Variants in NCOA2 observed in about 807,000 individuals in gnomAD.
The protein encoded by NCOA2 is class E basic helix-loop-helix protein 75.
Under a neutral mutation model 145.1 loss-of-function variants are expected in NCOA2, and 21 were observed. That is an observed-to-expected ratio of 0.14 (90% confidence interval 0.10 to 0.21). NCOA2 has a LOEUF of 0.21. NCOA2 is among the 10% of genes least tolerant of loss of function. The pLI is 1.00. For synonymous variants in NCOA2, 619 were observed against 637.5 expected, an observed-to-expected ratio of 0.97 and a Z score of 0.44; for missense variants, 1,472 against 1,837.6, an observed-to-expected ratio of 0.80 and a Z score of 3.64.
At chr8:70,201,049 C>CA (rs60951750) in intron 4 of NCOA2, among the ~76,000 whole-genome samples, 39,625 of 64,098 alleles carry the variant, frequency 0.62, 12,609 homozygotes, top group Non-Finnish European at 0.71. Flanking sequence ...GACTGTGTCT[C>CA]AAAAAAAAAA....
intron 2 of NCOA2, among the ~76,000 whole-genome samples, chr8:70,223,701 C>G (rs921367136): frequency 6.6e-6 from 1 of 152,218 alleles, no homozygotes; most frequent in African/African-American, 2.4e-5. Context: ...CTGTAACAGC[C>G]TGATTATCAC....
chr8:70,441,562 G>GAGAGAAAGAA, the NCOA2 span, among the ~76,000 whole-genome samples: 1 of 149,386 alleles, frequency 6.7e-6, no homozygotes, highest in Non-Finnish European at 1.5e-5. Context: ...AAAGAGGAAA[G>GAGAGAAAGAA]AGAGAAAGAA....
intron 1 of NCOA2, among the ~76,000 whole-genome samples, chr8:70,392,301 A>T (rs2131632818): frequency 6.6e-6 from 1 of 152,324 alleles, no homozygotes; most frequent in East Asian, 1.9e-4. Context: ...AGCGCCGCCC[A>T]CTTTTCCATC....
intron 1 of NCOA2, among the ~76,000 whole-genome samples, chr8:70,312,186 A>G (rs989344929): frequency 1.3e-5 from 2 of 152,166 alleles, no homozygotes; most frequent in Admixed American, 6.5e-5. Context: ...CAAGAACTAC[A>G]AGGAAGGGGA....
intron 4 of NCOA2, among the ~76,000 whole-genome samples, chr8:70,210,180 A>G (rs1160196487): frequency 6.6e-6 from 1 of 152,184 alleles, no homozygotes; most frequent in Non-Finnish European, 1.5e-5. Flanking sequence ...CCCTCCTGCC[A>G]AGGGGGAAAA....
intron 2 of NCOA2, among the ~76,000 whole-genome samples, chr8:70,252,693 G>T (rs1213305063): frequency 6.6e-6 from 1 of 152,100 alleles, no homozygotes; most frequent in Non-Finnish European, 1.5e-5. Context: ...TTGGTATTAA[G>T]GTTTTTATGT....
At chr8:70,140,143 A>G (rs1810223925) in intron 14 of NCOA2, among the ~76,000 whole-genome samples, 1 of 152,170 alleles carries the variant, frequency 6.6e-6, no homozygotes, top group African/African-American at 2.4e-5. Context: ...ACCTATTTAA[A>G]GTGTACAATG....
chr8:70,198,179 T>C (rs1015089771), intron 4 of NCOA2, among the ~76,000 whole-genome samples: 12 of 152,214 alleles, frequency 7.9e-5, no homozygotes, highest in African/African-American at 2.7e-4. Flanking sequence ...ATTATTAAGA[T>C]AAGGTTCCTC....
At chr8:70,312,139 G>GC (rs768188145) in intron 1 of NCOA2, among the ~76,000 whole-genome samples, 1 of 152,102 alleles carries the variant, frequency 6.6e-6, no homozygotes, top group Non-Finnish European at 1.5e-5. Flanking sequence ...CAGTGCTCAC[G>GC]CAAGAGATTT....
chr8:70,197,371 T>C (rs1319312073), intron 4 of NCOA2, among the ~76,000 whole-genome samples: 1 of 152,230 alleles, frequency 6.6e-6, no homozygotes, highest in Non-Finnish European at 1.5e-5. Context: ...ACCTACTAAA[T>C]GCAGGCACAG....
At chr8:70,448,397 A>T in the NCOA2 span, among the ~76,000 whole-genome samples, 1 of 152,280 alleles carries the variant, frequency 6.6e-6, no homozygotes, top group East Asian at 1.9e-4. Flanking sequence ...AAGCAAAACA[A>T]AACAAAAATA....
intron 11 of NCOA2, among the ~76,000 whole-genome samples, chr8:70,152,176 CA>C (rs1439073639): frequency 1.3e-5 from 2 of 152,150 alleles, no homozygotes. Flanking sequence ...CTATTTCAGG[CA>C]GAAAATGAGT....
the NCOA2 span, among the ~76,000 whole-genome samples, chr8:70,456,238 T>C: frequency 6.6e-6 from 1 of 152,140 alleles, no homozygotes; most frequent in African/African-American, 2.4e-5. Context: ...ATTCTACACG[T>C]CTAAACTTCG....
chr8:70,305,345 G>A (rs1176960111), intron 1 of NCOA2, among the ~76,000 whole-genome samples: 1 of 152,088 alleles, frequency 6.6e-6, no homozygotes, highest in East Asian at 1.9e-4. Flanking sequence ...ATCTCCTACA[G>A]AGAGGTCAAA....
chr8:70,371,607 A>G (rs1248518584), intron 1 of NCOA2, among the ~76,000 whole-genome samples: 4 of 152,214 alleles, frequency 2.6e-5, no homozygotes, highest in African/African-American at 4.8e-5. Flanking sequence ...CTGATACAGG[A>G]TATTTTACTA....
intron 1 of NCOA2, among the ~76,000 whole-genome samples, chr8:70,313,469 G>A (rs369200509): frequency 1.3e-5 from 2 of 152,146 alleles, no homozygotes; most frequent in Non-Finnish European, 2.9e-5. Flanking sequence ...TACCACTTCA[G>A]GCAAAGAGGT....
At chr8:70,395,050 C>T (rs779858489) in intron 1 of NCOA2, among the ~76,000 whole-genome samples, 1 of 152,204 alleles carries the variant, frequency 6.6e-6, no homozygotes, top group African/African-American at 2.4e-5. Context: ...ACATGATCTA[C>T]ATACATGAAA....
intron 2 of NCOA2, among the ~76,000 whole-genome samples, chr8:70,223,214 T>C (rs1269253496): frequency 2.0e-5 from 3 of 152,244 alleles, no homozygotes; most frequent in East Asian, 3.8e-4. Flanking sequence ...AATGTAGCAC[T>C]TGTGTTTGAG....
chr8:70,366,558 T>A (rs1249151255), intron 1 of NCOA2, among the ~76,000 whole-genome samples: 3 of 151,408 alleles, frequency 2.0e-5, no homozygotes, highest in African/African-American at 7.3e-5. Context: ...TGTTATTTTT[T>A]AAATCTAAAC....
Sources: gnomAD v4.1 joint callset for allele counts (sites outside exome capture counted in the v4.1 genomes callset) on GRCh38, gnomAD v4.1.1 for gene constraint, MANE v1.5 for transcripts, NCBI Gene and HGNC (gene_info 2026-07-23, HGNC 2026-07-21) for gene names.